GRIK2: variants seen among roughly 807,000 people sequenced by gnomAD.
GRIK2 encodes glutamate receptor ionotropic, kainate 2.
In GRIK2, 32 loss-of-function variants were observed where a neutral mutation model predicts 100.3. The observed-to-expected ratio is 0.32, with a 90% confidence interval of 0.24 to 0.43. The LOEUF (loss-of-function observed/expected upper bound fraction) is 0.43, where lower values mean the gene tolerates loss of function less well. GRIK2 is among the 20% of genes least tolerant of loss of function. The pLI is 1.00. For missense variants in GRIK2, 843 were observed against 1,114.9 expected (o/e 0.76, Z 3.47); for synonymous variants, 417 against 389.4 (o/e 1.07, Z -0.83).
intron 2 of GRIK2, among the ~76,000 whole-genome samples, chr6:101,570,225 T>G (rs960930027): frequency 1.3e-5 from 2 of 152,062 alleles, no homozygotes; most frequent in Non-Finnish European, 2.9e-5. Flanking sequence ...AATTTACTTT[T>G]CTATCTGGTA....
intron 14 of GRIK2, among the ~76,000 whole-genome samples, chr6:101,946,988 G>T (rs1213734688): frequency 6.6e-6 from 1 of 152,092 alleles, no homozygotes; most frequent in Non-Finnish European, 1.5e-5. Flanking sequence ...CTAGGACCTT[G>T]AGCAAAACGT....
At position 101,668,093 on chromosome 6, in the gene GRIK2, G is replaced by A. The variant is rs1770163840; in HGVS notation, c.542-8530G>A. On this transcript the variant is annotated intron_variant, in intron 4 of 16. Transcript: ENST00000369134. ...AGAAGGCAATATCTCTGTAAAATTA[G>A]CATTCAGACTTGAGTATGTCCCAAG... Among the ~76,000 whole-genome samples the A allele has an allele frequency of 3.3e-5, 5 of 152,108 alleles. No homozygotes were observed. The South Asian group carries it at 8.3e-4, about 25-fold the overall frequency.
At chr6:101,845,153 A>T (rs1180809854) in intron 10 of GRIK2, among the ~76,000 whole-genome samples, 2 of 151,978 alleles carry the variant, frequency 1.3e-5, no homozygotes, top group Admixed American at 1.3e-4. Context: ...CCAAGTAGCT[A>T]GGACTGCAAG....
intron 7 of GRIK2, among the ~76,000 whole-genome samples, chr6:101,710,691 C>T (rs1319310105): frequency 6.6e-6 from 1 of 151,752 alleles, no homozygotes; most frequent in South Asian, 2.1e-4. Flanking sequence ...CTGTTTCAAT[C>T]CTACAGTTTC....
intron 15 of GRIK2, among the ~76,000 whole-genome samples, chr6:102,045,934 A>G (rs530365033): frequency 6.6e-6 from 1 of 152,220 alleles, no homozygotes; most frequent in East Asian, 1.9e-4. Flanking sequence ...TAAAAAGATC[A>G]AATTACATGT....
chr6:102,023,566 G>C (rs956012577), intron 14 of GRIK2, among the ~76,000 whole-genome samples: 30 of 151,474 alleles, frequency 2.0e-4, no homozygotes, highest in Non-Finnish European at 3.0e-4. Context: ...TAAAACCCAG[G>C]TCAACTACTA....
chr6:101,923,388 A>T (rs1789679025), intron 12 of GRIK2, among the ~76,000 whole-genome samples: 1 of 152,180 alleles, frequency 6.6e-6, no homozygotes, highest in African/African-American at 2.4e-5. Flanking sequence ...ATGTTTATGG[A>T]TAATTCCATT....
intron 7 of GRIK2, among the ~76,000 whole-genome samples, chr6:101,794,181 G>A (rs765338749): frequency 7.2e-5 from 11 of 152,070 alleles, no homozygotes; most frequent in East Asian, 5.8e-4. Context: ...GCAATGCCTC[G>A]CCCTGCTTCG....
At chr6:101,487,428 C>G (rs2128264811) in intron 2 of GRIK2, among the ~76,000 whole-genome samples, 1 of 146,396 alleles carries the variant, frequency 6.8e-6, no homozygotes, top group Non-Finnish European at 1.5e-5. Flanking sequence ...ATCTCCACCA[C>G]AGTGTTATTG....
At chr6:101,738,277 G>A (rs566750310) in intron 7 of GRIK2, among the ~76,000 whole-genome samples, 2,260 of 124,186 alleles carry the variant, frequency 0.018, 76 homozygotes, top group African/African-American at 0.072. Context: ...AATTGTAATT[G>A]TAATTGTCAA....
chr6:102,032,150 G>A (rs568139360), intron 14 of GRIK2, among the ~76,000 whole-genome samples: 1 of 151,362 alleles, frequency 6.6e-6, no homozygotes, highest in African/African-American at 2.4e-5. Flanking sequence ...CAACTTGGAA[G>A]AAGGGACCCT....
chr6:102,055,195 G>C (rs1208352932), intron 15 of GRIK2, 135 bp from the exon 16 acceptor site: 1 of 593,042 alleles, frequency 1.7e-6, no homozygotes, highest in Non-Finnish European at 2.9e-6. Flanking sequence ...TTTTCCAGTT[G>C]TTTTTCTCTT....
chr6:101,436,797 A>G lies in GRIK2; in HGVS notation c.115+37405A>G, dbSNP rs551365356. On this transcript the variant is annotated intron_variant, in intron 2 of 16. Transcript: ENST00000369134. ...TGATTTAAAGTTTATTATTATTATT[A>G]TTTTTTATTATTATACTTTAAGTTC... Among the ~76,000 whole-genome samples, 3 of 150,790 alleles carry G rather than the reference A, an allele frequency of 2.0e-5. No individual in the cohort carries two copies. In the South Asian group the frequency reaches 6.2e-4, roughly 31 times the overall value.
At chr6:101,780,239 A>G (rs1779005271) in intron 7 of GRIK2, among the ~76,000 whole-genome samples, 1 of 152,084 alleles carries the variant, frequency 6.6e-6, no homozygotes, top group Non-Finnish European at 1.5e-5. Flanking sequence ...TATTCGTAAG[A>G]CACCCCCTAA....
intron 1 of GRIK2, among the ~76,000 whole-genome samples, chr6:101,398,235 T>A (rs960673384): frequency 2.0e-5 from 3 of 152,150 alleles, no homozygotes; most frequent in African/African-American, 7.2e-5. Flanking sequence ...GGCTTTAGAG[T>A]TTGCTGCACC....
At chr6:101,842,189 G>T (rs939987405) in intron 10 of GRIK2, among the ~76,000 whole-genome samples, 2 of 151,994 alleles carry the variant, frequency 1.3e-5, no homozygotes, top group African/African-American at 4.8e-5. Context: ...TTTCCCCCCG[G>T]ACTTTCTAAT....
At chr6:101,743,792 A>G (rs1776199484) in intron 7 of GRIK2, among the ~76,000 whole-genome samples, 1 of 152,108 alleles carries the variant, frequency 6.6e-6, no homozygotes, top group African/African-American at 2.4e-5. Flanking sequence ...TAGCCATTAT[A>G]TTTGCTTAAT....
At chr6:101,731,109 A>C (rs1391917603) in intron 7 of GRIK2, among the ~76,000 whole-genome samples, 17 of 152,026 alleles carry the variant, frequency 1.1e-4, no homozygotes, top group Non-Finnish European at 1.5e-5. Context: ...TAAGTCTTAG[A>C]AATTATCTGA....
intron 14 of GRIK2, among the ~76,000 whole-genome samples, chr6:102,012,777 C>G (rs1163685853): frequency 6.6e-6 from 1 of 152,102 alleles, no homozygotes; most frequent in Non-Finnish European, 1.5e-5. Flanking sequence ...ATTCTCTGTT[C>G]TGTTCCATTG....
Sources: allele counts gnomAD v4.1 joint callset (sites outside exome capture counted in the v4.1 genomes callset), GRCh38; gene constraint gnomAD v4.1.1; transcripts MANE v1.5; gene names NCBI Gene and HGNC (gene_info 2026-07-23, HGNC 2026-07-21).